Variants in SACS observed in about 807,000 individuals in gnomAD.
The protein encoded by SACS is sacsin molecular chaperone.
In SACS, 197 loss-of-function variants were observed where a neutral mutation model predicts 348.0. The ratio of observed to expected loss-of-function variants is 0.57; its 90% CI spans 0.50 to 0.64. The LOEUF (loss-of-function observed/expected upper bound fraction) is 0.64. Ranked by LOEUF, SACS falls within the 30% of genes least tolerant of loss-of-function variation. SACS has a pLI of 0.00. For synonymous variants in SACS, 1,985 were observed against 1,910.6 expected, an observed-to-expected ratio of 1.04 and a Z score of -1.02; for missense variants, 4,999 against 5,360.8, an observed-to-expected ratio of 0.93 and a Z score of 2.11.
Position 23,340,540 on chromosome 13 carries a change from G to A in SACS, c.3336C>T (p.Ala1112=), listed in dbSNP as rs765951846. 5.6e-6 allele frequency: 9 copies of A among 1,612,320 alleles called. No individual in the cohort carries two copies. The highest frequency in any genetic ancestry group is 7.6e-6 in the Non-Finnish European group (9 of 1,179,526). ...GATCAGGACAAGCACCGACCTGTAA[G>A]GCTTCAATTTTTTTTGCCACTTGCA... The part of the protein sequence containing the change: ...DVVQVAKKIE[A]LQVGACPDQD... The change falls in exon 10 of 10, where the codon GCC becomes GCT. Residue 1112 remains alanine, a synonymous_variant. Transcript: ENST00000382292.
chr13:23,341,532 C>A lies in SACS; in HGVS notation c.2344G>T (p.Val782Phe), dbSNP rs774339872. ...AAATGTATATAAAGATTTTTCCAAA[C>A]CATCTTAAGCCATGAAACAGATGGG... ...NHPSVSWLKM[V>F]WKNLYIHFSE... The change falls in exon 10 of 10, where the codon GTT becomes TTT. Residue 782 changes from valine (V) to phenylalanine (F), a missense_variant. By Grantham distance (50) the Val-to-Phe change is conservative. This residue lies in a region of SACS where 3,156 missense variants were observed against 3,380.1 expected (regional missense o/e 0.93). Transcript: ENST00000382292. The A allele has an allele frequency of 6.2e-6, 10 of 1,613,942 alleles. No homozygotes were observed. In the East Asian group the frequency reaches 2.2e-4, roughly 36 times the overall value.
rs745410019 is a variant in SACS, at chr13:23,336,370, T to C, written c.7506A>G (p.Arg2502=). 3 of 1,613,982 alleles carry C rather than the reference T, an allele frequency of 1.9e-6. No individual in the cohort carries two copies. Among genetic ancestry groups the C allele is most frequent in the African/African-American group, 2.7e-5 (2 of 74,940 alleles). The change falls in exon 10 of 10, where the codon CGA becomes CGG. Residue 2502 remains arginine, a synonymous_variant. Transcript: ENST00000382292. The part of the protein sequence containing the change: ...VAVKLGAVPK[R]HKALERYASN... Reference sequence around the variant, plus strand: ...ATGCATATCTTTCTAAGGCTTTGTGTCGCTTTGGGACTGCTCCTAGTTTTA... The same window carrying C: ...ATGCATATCTTTCTAAGGCTTTGTGCCGCTTTGGGACTGCTCCTAGTTTTA...
intron 2 of SACS, among the ~76,000 whole-genome samples, chr13:23,388,422 G>A (rs28768143): frequency 0.2 from 18,616 of 93,366 alleles, 1,336 homozygotes; most frequent in Middle Eastern, 0.26. Context: ...TGGTGTGTGT[G>A]TATATATATA....
intron 1 of SACS, among the ~76,000 whole-genome samples, chr13:23,429,402 A>G (rs1264097965): frequency 1.8e-5 from 2 of 110,316 alleles, no homozygotes; most frequent in Non-Finnish European, 3.3e-5. Context: ...TCGCTCTGTC[A>G]CCCGGGCTGG....
At position 23,339,838 on chromosome 13, in the gene SACS, A is replaced by G. The variant is rs2137630805; in HGVS notation, c.4038T>C (p.Asp1346=). 1 of 1,613,382 alleles carries G rather than the reference A, an allele frequency of 6.2e-7. No homozygotes were observed. Among genetic ancestry groups the G allele is most frequent in the Non-Finnish European group, 8.5e-7 (1 of 1,179,646 alleles). Residue 1346 remains aspartate (D), a synonymous_variant, in exon 10 of 10, where the codon GAT becomes GAC. Coordinates refer to ENST00000382292, the MANE Select transcript of SACS (RefSeq NM_014363.6). The stretch of plus-strand genomic sequence containing the variant: ...TTTGTTTGCTTTCTTGTTCACTGAG[A>G]TCTTGGTCACTTTTGAGATATATCT... The part of the protein sequence containing the change: ...IQKIYLKSDQ[D]LSEQESKQNL...
intron 6 of SACS, among the ~76,000 whole-genome samples, chr13:23,362,508 G>A (rs1295149718): frequency 6.6e-6 from 1 of 151,920 alleles, no homozygotes; most frequent in Non-Finnish European, 1.5e-5. Flanking sequence ...CAAGAGCCTG[G>A]AGGGCTCTCA....
chr13:23,330,637 C>T lies in SACS; in HGVS notation c.13239G>A (p.Gln4413=), dbSNP rs1213980641. 10 of 1,613,980 alleles carry T rather than the reference C, an allele frequency of 6.2e-6. No individual in the cohort carries two copies. Among genetic ancestry groups the T allele is most frequent in the Non-Finnish European group, 7.6e-6 (9 of 1,180,002 alleles). The change falls in exon 10 of 10, where the codon CAG becomes CAA. Residue 4413 remains glutamine (Q), a synonymous_variant. Transcript: ENST00000382292. ...GGGGGCATTTTTCTTTGTTCTGTTG[C>T]TGTCTTTCAGATTTATGGCTCGTTG... ...QEATSHKSER[Q]QQNKEKCPPS...
rs778260349 is a variant in SACS, at chr13:23,336,131, G to A, written c.7745C>T (p.Pro2582Leu). ...VDRIFDDKWA[P>L]LQGPALCVYN... ...CACACAAAGTGCTGGCCCTTGCAAT[G>A]GGGCCCACTTATCATCAAATATTCT... Residue 2582 changes from proline (P) to leucine (L), a missense_variant, in exon 10 of 10, where the codon CCA becomes CTA. Physicochemically the swap from Pro to Leu is moderately conservative, Grantham distance 98. Transcript: ENST00000382292. The A allele has an allele frequency of 1.9e-6, 3 of 1,612,904 alleles. No individual in the cohort carries two copies. The highest frequency in any genetic ancestry group is 2.5e-6 in the Non-Finnish European group (3 of 1,179,222).
intron 2 of SACS, among the ~76,000 whole-genome samples, chr13:23,378,130 A>G (rs1871889301): frequency 1.3e-5 from 2 of 152,226 alleles, no homozygotes; most frequent in Non-Finnish European, 2.9e-5. Context: ...GCTGTACAAA[A>G]TAGGAGAAAA....
chr13:23,385,577 C>G (rs940318059), intron 2 of SACS, among the ~76,000 whole-genome samples: 1 of 152,010 alleles, frequency 6.6e-6, no homozygotes, highest in African/African-American at 2.4e-5. Context: ...AGGCTGGTCT[C>G]GAATTCCTGA....
intron 2 of SACS, among the ~76,000 whole-genome samples, chr13:23,402,899 C>T (rs115161266): frequency 0.041 from 6,166 of 152,218 alleles, 356 homozygotes; most frequent in African/African-American, 0.13. Flanking sequence ...TAATCAGGGC[C>T]GGGCATGGTG....
intron 2 of SACS, among the ~76,000 whole-genome samples, chr13:23,380,778 A>G (rs969868336): frequency 5.9e-5 from 9 of 152,208 alleles, no homozygotes; most frequent in Admixed American, 1.3e-4. Context: ...ATCACTGTAC[A>G]TATCCCCATA....
intron 2 of SACS, among the ~76,000 whole-genome samples, chr13:23,391,401 A>G (rs2137897292): frequency 6.6e-6 from 1 of 152,246 alleles, no homozygotes; most frequent in East Asian, 1.9e-4. Context: ...GGCTGTGGTC[A>G]CTTTGGTTGC....
intron 2 of SACS, among the ~76,000 whole-genome samples, chr13:23,378,491 T>A (rs757062621): frequency 3.9e-5 from 6 of 152,166 alleles, no homozygotes; most frequent in Non-Finnish European, 8.8e-5. Context: ...TTTTTTCTTT[T>A]TTGAGACAGA....
Position 23,338,770 on chromosome 13 carries a change from TTCC to T in SACS, c.5103_5105del (p.Glu1702del), listed in dbSNP as rs1168235542. On this transcript the variant is annotated inframe_deletion, in exon 10 of 10. Transcript: ENST00000382292. ...TATCTTGTGCTAAACTGGGGTTGGT[TTCC>T]TCAATTTTCAAGTACTTCAAATACA... 6.2e-7 allele frequency: 1 copy of T among 1,610,962 alleles called. No homozygotes were observed. The highest frequency in any genetic ancestry group is 1.3e-5 in the African/African-American group (1 of 74,710).
intron 1 of SACS, among the ~76,000 whole-genome samples, chr13:23,422,140 G>A (rs1193576451): frequency 6.6e-6 from 1 of 152,194 alleles, no homozygotes; most frequent in African/African-American, 2.4e-5. Context: ...GCTTTGTGAT[G>A]TACCTTATTA....
chr13:23,363,676 T>G (rs1870885529), intron 6 of SACS, among the ~76,000 whole-genome samples: 2 of 152,226 alleles, frequency 1.3e-5, no homozygotes, highest in Admixed American at 6.5e-5. Context: ...CTTACACTCT[T>G]ACCTTAGCAG....
chr13:23,354,985 C>T lies in SACS; in HGVS notation c.1627G>A (p.Val543Met), dbSNP rs752705095. ...KLWPEASKVK[V>M]HWQPVLEPLF... is the part of the protein sequence containing the mutation. ...GGCTCTAACACCGGTTGCCAGTGCA[C>T]CTTGACTTTGCTCGCCTCCGGCCAA... The change falls in exon 8 of 10, where the codon GTG becomes ATG. Residue 543 changes from valine to methionine, a missense_variant. Transcript: ENST00000382292. 3.1e-6 allele frequency: 5 copies of T among 1,614,264 alleles called. No homozygotes were observed. The highest frequency in any genetic ancestry group is 4.2e-6 in the Non-Finnish European group (5 of 1,180,048).
At chr13:23,351,969 A>C (rs948175922) in intron 9 of SACS, among the ~76,000 whole-genome samples, 1 of 152,224 alleles carries the variant, frequency 6.6e-6, no homozygotes, top group Non-Finnish European at 1.5e-5. Flanking sequence ...AAAGATGTCA[A>C]GTTTTCTATA....
Sources: allele counts gnomAD v4.1 joint callset (sites outside exome capture counted in the v4.1 genomes callset), GRCh38; gene constraint gnomAD v4.1.1; regional missense constraint gnomAD v4.1.1; transcripts MANE v1.5; gene names NCBI Gene and HGNC (gene_info 2026-07-23, HGNC 2026-07-21).